The following HDLBP variants were observed in gnomAD, a reference collection of about 807,000 sequenced individuals.
HDLBP encodes the protein high density lipoprotein binding protein, also known as vigilin.
In HDLBP, 30 loss-of-function variants were observed where a neutral mutation model predicts 137.3. The observed-to-expected ratio is 0.22, with a 90% CI of 0.16 to 0.30. The LOEUF is 0.30. HDLBP is among the 10% of genes least tolerant of loss of function. The pLI is 1.00. For missense variants in HDLBP, 1,119 were observed against 1,667.3 expected, an observed-to-expected ratio of 0.67 and a Z score of 5.73; for synonymous variants, 606 against 596.0, an observed-to-expected ratio of 1.02 and a Z score of -0.24.
intron 1 of HDLBP, among the ~76,000 whole-genome samples, chr2:241,276,256 G>C (rs1297088610): frequency 2.0e-5 from 3 of 152,102 alleles, no homozygotes; most frequent in African/African-American, 7.2e-5. Context: ...GAAAAACAAA[G>C]AGTTTTTAAC....
rs1206483378 is a variant in HDLBP at position 241,233,411 on chromosome 2, T to C, written c.3288+409A>G. On this transcript the variant is annotated intron_variant, in intron 24 of 27. Transcript: ENST00000310931. The surrounding 1 kb of genome is among the most constrained non-coding windows in gnomAD (Gnocchi z 4.3). ...AAGGACCATCTGGCAAGCACAACGG[T>C]GTTTGCAGCTGGGGCTGCAGAGAAA... Among the ~76,000 whole-genome samples the C allele has an allele frequency of 6.6e-6, 1 of 151,690 alleles. No homozygotes were observed. The highest frequency in any genetic ancestry group is 1.5e-5 in the Non-Finnish European group (1 of 67,898).
At chr2:241,312,625 T>G (rs780405341) in intron 1 of HDLBP, among the ~76,000 whole-genome samples, 1 of 152,244 alleles carries the variant, frequency 6.6e-6, no homozygotes, top group Non-Finnish European at 1.5e-5. Context: ...CCGCATGATA[T>G]GCTTCTTTCA....
rs1359128740 is a variant in HDLBP at position 241,274,621 on chromosome 2, G to A, written c.-102-6080C>T. Among the ~76,000 whole-genome samples the A allele has an allele frequency of 2.6e-5, 4 of 152,158 alleles. No homozygotes were observed. The South Asian group carries it at 6.2e-4, about 24-fold the overall frequency. On this transcript the variant is annotated intron_variant, in intron 1 of 27. Coordinates refer to ENST00000310931, the MANE Select transcript of HDLBP (RefSeq NM_005336.6). ...GCACAGGCACAGTACCTAGTACACA[G>A]GACACCGTAAAGAGTTAGTTTAAAA...
At chr2:241,264,714 C>T (rs1478979073) in intron 3 of HDLBP, 109 bp from the exon 4 acceptor site, 1 of 1,093,764 alleles carries the variant, frequency 9.1e-7, no homozygotes, top group Non-Finnish European at 1.3e-6. Context: ...CCATCAAATG[C>T]TCCAAGGACA....
At chr2:241,236,968 C>A (rs2070569050) in intron 20 of HDLBP, among the ~76,000 whole-genome samples, 199 bp from the exon 21 acceptor site, 1 of 66,422 alleles carries the variant, frequency 1.5e-5, no homozygotes, top group African/African-American at 6.6e-5. Flanking sequence ...AAAGAGGGCT[C>A]CCAGACCTTG....
rs1262012935 is a variant in HDLBP, at chr2:241,240,542, C to G, written c.2170-420G>C. 6.6e-6 allele frequency among the ~76,000 whole-genome samples: 1 copy of G among 152,166 alleles called. No individual in the cohort carries two copies. The highest frequency in any genetic ancestry group is 6.5e-5 in the Admixed American group (1 of 15,286). On this transcript the variant is annotated intron_variant, in intron 17 of 27. Transcript: ENST00000310931. The surrounding 1 kb of genome is among the most constrained non-coding windows in gnomAD (Gnocchi z 5.5). The stretch of plus-strand genomic sequence containing the variant: ...AGCAAGCTGCCCAAGAGGTGTGCAC[C>G]ATGCTCCCACTCTTCTACCTGCTTC...
At chr2:241,241,389 A>C (rs566154852) in intron 17 of HDLBP, among the ~76,000 whole-genome samples, 1 of 151,964 alleles carries the variant, frequency 6.6e-6, no homozygotes, top group East Asian at 1.9e-4. Context: ...AACACTGTGA[A>C]ACCCCATCTC....
intron 1 of HDLBP, chr2:241,273,648 C>G: frequency 1.0e-6 from 1 of 985,272 alleles, no homozygotes; most frequent in Non-Finnish European, 1.2e-6. Context: ...AGTCGCAGGT[C>G]AACAGAATCC....
intron 1 of HDLBP, chr2:241,273,249 G>C (rs2149589790): frequency 1.0e-6 from 1 of 985,272 alleles, no homozygotes; most frequent in Admixed American, 6.1e-5. Flanking sequence ...AGGCTCCCAG[G>C]CGGCTCCAGG....
rs1231529677 is a variant in HDLBP at position 241,238,763 on chromosome 2, C to T, written c.2635G>A (p.Ala879Thr). ...DLEAQVTLEC[A>T]IPQKFHRSVM... is the part of the protein sequence containing the mutation. ...GATCGATGGAATTTCTGGGGTATAGCACATTCTAATGTCACCTGAGCTTCC... is the reference window on the plus strand; with the variant it reads ...GATCGATGGAATTTCTGGGGTATAGTACATTCTAATGTCACCTGAGCTTCC... The change falls in exon 20 of 28, where the codon GCT (alanine) becomes ACT (threonine). Residue 879 changes from alanine (A) to threonine (T), a missense_variant. Transcript: ENST00000310931. The surrounding 1 kb of genome is among the most constrained non-coding windows in gnomAD (Gnocchi z 4.9). 2.6e-6 allele frequency: 4 copies of T among 1,561,924 alleles called. No homozygotes were observed. Among genetic ancestry groups the T allele is most frequent in the Non-Finnish European group, 2.6e-6 (3 of 1,144,724 alleles).
At chr2:241,258,216 A>C (rs530372886) in intron 5 of HDLBP, among the ~76,000 whole-genome samples, 1 of 151,974 alleles carries the variant, frequency 6.6e-6, no homozygotes, top group South Asian at 2.1e-4. Flanking sequence ...GCATGGTGGC[A>C]GGCGCCTGTA....
chr2:241,278,642 TAGG>T (rs1285759119), intron 1 of HDLBP, among the ~76,000 whole-genome samples: 6 of 151,372 alleles, frequency 4.0e-5, no homozygotes, highest in Non-Finnish European at 8.8e-5. Flanking sequence ...TAATAGCAAC[TAGG>T]AATATAAGCC....
rs1231731554 is a variant in HDLBP, at chr2:241,240,159, A to G, written c.2170-37T>C. 6.3e-7 allele frequency: 1 copy of G among 1,590,924 alleles called. No homozygotes were observed. ...AATCCCACTGTGTTAGCCTGACACCACGTGCCTGGACCACAGTGAGGAAGA... is the reference window on the plus strand; with the variant it reads ...AATCCCACTGTGTTAGCCTGACACCGCGTGCCTGGACCACAGTGAGGAAGA... On this transcript the variant is annotated intron_variant, in intron 17 of 27. Transcript: ENST00000310931. This position sits in a 1 kb window ranked among gnomAD's most constrained non-coding sequence, Gnocchi z 5.5.
chr2:241,307,795 A>G (rs1399532713), intron 1 of HDLBP, among the ~76,000 whole-genome samples: 1 of 152,136 alleles, frequency 6.6e-6, no homozygotes, highest in East Asian at 1.9e-4. Context: ...ATACAAATTT[A>G]CCTCATTTGT....
At chr2:241,253,364 C>A in intron 10 of HDLBP, 29 bp downstream of exon 10, 1 of 1,443,822 alleles carries the variant, frequency 6.9e-7, no homozygotes, top group African/African-American at 1.4e-5. Context: ...TTGTCACCAG[C>A]ACACACAACA....
chr2:241,232,653 G>A (rs2069909483), intron 24 of HDLBP, among the ~76,000 whole-genome samples: 1 of 152,066 alleles, frequency 6.6e-6, no homozygotes, highest in African/African-American at 2.4e-5. Context: ...GGGCTTAAAA[G>A]AGCTAAACTC....
At chr2:241,309,702 G>T (rs2075705172) in intron 1 of HDLBP, among the ~76,000 whole-genome samples, 2 of 152,178 alleles carry the variant, frequency 1.3e-5, no homozygotes, top group Non-Finnish European at 2.9e-5. Flanking sequence ...TGGCAAAAAG[G>T]TATCGCTTTT....
intron 1 of HDLBP, among the ~76,000 whole-genome samples, chr2:241,299,290 G>GCAGGTGGAT (rs2149685384): frequency 6.6e-6 from 1 of 152,002 alleles, no homozygotes; most frequent in South Asian, 2.1e-4. Flanking sequence ...GGAGGCCGAG[G>GCAGGTGGAT]CAGGTGGATC....
intron 3 of HDLBP, 64 bp from the exon 4 acceptor site, chr2:241,264,669 A>T: frequency 6.5e-7 from 1 of 1,531,584 alleles, no homozygotes; most frequent in Non-Finnish European, 9.0e-7. Flanking sequence ...AAACACTTTT[A>T]AGGGTTTTAG....
Sources: allele counts gnomAD v4.1 joint callset (sites outside exome capture counted in the v4.1 genomes callset), GRCh38; gene constraint gnomAD v4.1.1; non-coding constraint Gnocchi (gnomAD v3.1); transcripts MANE v1.5; gene names NCBI Gene and HGNC (gene_info 2026-07-23, HGNC 2026-07-21).